SCN11A: variants seen among roughly 807,000 people sequenced by gnomAD.
The protein encoded by SCN11A is sodium voltage-gated channel alpha subunit 11.
Under a neutral mutation model 162.2 loss-of-function variants are expected in SCN11A, and 122 were observed. The ratio of observed to expected loss-of-function variants is 0.75; its 90% CI spans 0.65 to 0.87. SCN11A has a LOEUF of 0.87. SCN11A is among the 40% of genes least tolerant of loss of function. The pLI is 0.00. For synonymous variants in SCN11A, 758 were observed against 751.5 expected, an observed-to-expected ratio of 1.01 and a Z score of -0.14; for missense variants, 2,015 against 2,181.6, an observed-to-expected ratio of 0.92 and a Z score of 1.52.
At position 38,850,696 on chromosome 3, in the gene SCN11A, A is replaced by T; in HGVS notation, c.4112T>A (p.Ile1371Asn). ...GTTTAGGATAATGAGACTTATGATG[A>T]TGATGTCAAAGATCTGGCTTGTGAC... Reference protein sequence around the residue: ...DIVTSQIFDIIIISLIILNMI... With the variant: ...DIVTSQIFDINIISLIILNMI... The change falls in exon 29 of 30, where the codon ATC becomes AAC. Residue 1371 changes from isoleucine to asparagine, a missense_variant. Transcript: ENST00000302328. 6.2e-7 allele frequency: 1 copy of T among 1,613,466 alleles called. No homozygotes were observed. Among genetic ancestry groups the T allele is most frequent in the South Asian group, 1.1e-5 (1 of 91,028 alleles).
At chr3:38,972,083 T>G (rs777790496) in intron 2 of SCN11A, among the ~76,000 whole-genome samples, 1 of 152,198 alleles carries the variant, frequency 6.6e-6, no homozygotes, top group Non-Finnish European at 1.5e-5. Flanking sequence ...CTGTTAATGG[T>G]GAACTGAATA....
At chr3:38,887,084 T>C (rs1184534651) in intron 19 of SCN11A, among the ~76,000 whole-genome samples, 1 of 152,148 alleles carries the variant, frequency 6.6e-6, no homozygotes, top group African/African-American at 2.4e-5. Flanking sequence ...TGCACATTTA[T>C]TTACCTAAAT....
chr3:38,939,590 A>G (rs1441331532), intron 7 of SCN11A, among the ~76,000 whole-genome samples: 1 of 152,130 alleles, frequency 6.6e-6, no homozygotes, highest in African/African-American at 2.4e-5. Context: ...CTCCCAGAAT[A>G]CCTCATTTCC....
intron 7 of SCN11A, among the ~76,000 whole-genome samples, chr3:38,944,378 G>T (rs1342188912): frequency 1.3e-5 from 2 of 151,608 alleles, no homozygotes; most frequent in Non-Finnish European, 2.9e-5. Context: ...GCCCAGGCTG[G>T]AATGCAGTGG....
chr3:38,911,067 A>G (rs1195584871), intron 11 of SCN11A, among the ~76,000 whole-genome samples: 2 of 152,182 alleles, frequency 1.3e-5, no homozygotes, highest in Non-Finnish European at 2.9e-5. Context: ...CTACCTCCGT[A>G]TATCTAAATA....
At chr3:38,994,887 A>G (rs1005514800) in intron 2 of SCN11A, among the ~76,000 whole-genome samples, 6 of 152,180 alleles carry the variant, frequency 3.9e-5, no homozygotes, top group African/African-American at 1.4e-4. Context: ...AGGCTGCCAG[A>G]AATGTGAGGC....
intron 7 of SCN11A, among the ~76,000 whole-genome samples, chr3:38,936,647 AG>A (rs1354605175): frequency 5.9e-5 from 9 of 151,864 alleles, no homozygotes; most frequent in Admixed American, 5.9e-4. Flanking sequence ...TAAAATACCT[AG>A]GAATCCAACT....
chr3:38,872,102 A>T, intron 24 of SCN11A, 91 bp downstream of exon 24: 1 of 818,528 alleles, frequency 1.2e-6, no homozygotes, highest in South Asian at 1.5e-5. Flanking sequence ...AAAGCTTGGC[A>T]ATTTAAGGAA....
intron 2 of SCN11A, among the ~76,000 whole-genome samples, chr3:39,017,581 T>G: frequency 6.6e-6 from 1 of 152,188 alleles, no homozygotes; most frequent in Admixed American, 6.5e-5. Context: ...TTGGGAAAAT[T>G]TCAACCATTA....
intron 2 of SCN11A, among the ~76,000 whole-genome samples, chr3:39,030,920 T>G (rs926856790): frequency 2.6e-5 from 4 of 152,206 alleles, no homozygotes; most frequent in Non-Finnish European, 5.9e-5. Flanking sequence ...AGGGATTAAG[T>G]GTTAAGTATT....
chr3:38,897,960 G>T (rs2065633825), intron 17 of SCN11A, among the ~76,000 whole-genome samples: 2 of 152,064 alleles, frequency 1.3e-5, no homozygotes, highest in South Asian at 2.1e-4. Flanking sequence ...ATCAGGCCAG[G>T]CACAGTGGCT....
In SCN11A at chr3:38,921,252, AG is replaced by A. The variant is rs1222309489; in HGVS notation, c.715del (p.Leu239Ter). On this transcript the variant is annotated frameshift_variant and splice_region_variant, in exon 10 of 30. Coordinates refer to ENST00000302328, the MANE Select transcript of SCN11A (RefSeq NM_001349253.2). LOFTEE classifies it high-confidence loss of function. ...TAGCAAGGCCCCCACGATGACCTTC[AG>A]ACCTGAGAAAGAGGACAGGCTTGGG... is the stretch of plus-strand genomic sequence containing the variant. ...ALKAISVVSR[L>X]KVIVGALLRS... is the part of the protein sequence containing the mutation. 1 of 1,613,682 alleles carries A rather than the reference AG, an allele frequency of 6.2e-7. No homozygotes were observed.
At chr3:38,978,615 C>T (rs1270488478) in intron 2 of SCN11A, among the ~76,000 whole-genome samples, 1 of 151,630 alleles carries the variant, frequency 6.6e-6, no homozygotes, top group Non-Finnish European at 1.5e-5. Flanking sequence ...CACTGCACTC[C>T]AGTCAGGATG....
chr3:38,920,723 T>C (rs1292797258), intron 10 of SCN11A, among the ~76,000 whole-genome samples: 3 of 145,970 alleles, frequency 2.1e-5, no homozygotes, highest in Non-Finnish European at 4.5e-5. Context: ...ATTGGAGAAA[T>C]ACTTGAGGAG....
chr3:38,965,237 T>C (rs1204157852), intron 2 of SCN11A, among the ~76,000 whole-genome samples: 3 of 152,198 alleles, frequency 2.0e-5, no homozygotes, highest in Admixed American at 6.5e-5. Context: ...ACAGTGCATG[T>C]CACTTAATAG....
chr3:39,010,624 C>T (rs112233742), intron 2 of SCN11A, among the ~76,000 whole-genome samples: 8,624 of 152,172 alleles, frequency 0.057, 362 homozygotes, highest in East Asian at 0.11. Context: ...ATGATCCACC[C>T]GCCTCGGCCT....
intron 2 of SCN11A, among the ~76,000 whole-genome samples, chr3:38,974,796 T>A (rs907722506): frequency 1.4e-5 from 2 of 144,914 alleles, no homozygotes; most frequent in African/African-American, 5.1e-5. Context: ...ATAAAAACAA[T>A]ATTCGAAGTG....
intron 19 of SCN11A, among the ~76,000 whole-genome samples, chr3:38,887,940 A>G (rs2065430812): frequency 6.6e-6 from 1 of 152,198 alleles, no homozygotes; most frequent in African/African-American, 2.4e-5. Context: ...CCACGAATAT[A>G]CCTCACAAAC....
intron 22 of SCN11A, among the ~76,000 whole-genome samples, 172 bp from the exon 23 acceptor site, chr3:38,880,295 T>G (rs112125629): frequency 2.5e-4 from 38 of 152,202 alleles, no homozygotes; most frequent in African/African-American, 6.8e-4. Context: ...ATCCATTCCT[T>G]GAGTAAGTAA....
Sources: gnomAD v4.1 joint callset for allele counts (sites outside exome capture counted in the v4.1 genomes callset) on GRCh38, gnomAD v4.1.1 for gene constraint, MANE v1.5 for transcripts, NCBI Gene and HGNC (gene_info 2026-07-23, HGNC 2026-07-21) for gene names.